Variants in ZNF738 observed in about 807,000 individuals in gnomAD.
ZNF738 encodes the protein zinc finger protein 738, also known as protein ZNF738.
In ZNF738, 10 loss-of-function variants were observed where a neutral mutation model predicts 9.2. The observed-to-expected ratio is 1.09, with a 90% CI of 0.67 to 1.85. The LOEUF (loss-of-function observed/expected upper bound fraction) is 1.85, where lower values mean the gene tolerates loss of function less well. Ranked by LOEUF, ZNF738 falls within the 40% of genes most tolerant of loss-of-function variation. ZNF738 has a pLI of 0.00. For synonymous variants in ZNF738, 113 were observed against 94.5 expected (o/e 1.20, Z -1.14); for missense variants, 346 against 283.6 (o/e 1.22, Z -1.58).
chr19:21,375,307 C>T lies in ZNF738; in HGVS notation c.166C>T (p.Gln56Ter), dbSNP rs1319923175. The T allele has an allele frequency of 2.7e-6, 3 of 1,117,806 alleles. No homozygotes were observed. In the South Asian group the frequency reaches 3.7e-5, roughly 14 times the overall value. The allele number at this position is 1,117,806 out of a possible 1,614,324, so 69.2% of individuals were successfully genotyped here. Residue 56 changes from glutamine to a stop codon, truncating the protein, a stop_gained, in exon 3 of 5, where the codon CAG (glutamine) becomes TAG (stop). Coordinates refer to ENST00000683779, the MANE Select transcript of ZNF738 (RefSeq NM_001355237.2). LOFTEE classifies it high-confidence loss of function. Reference sequence around the variant, plus strand: ...GGAGTGGCAATGCCTGGACACTGCTCAGCAAGATTTGTATAGGAAAGTGAT... The same window carrying T: ...GGAGTGGCAATGCCTGGACACTGCTTAGCAAGATTTGTATAGGAAAGTGAT... ...QEEWQCLDTA[Q>*]QDLYRKVMLE...
intron 2 of ZNF738, among the ~76,000 whole-genome samples, chr19:21,374,758 C>T (rs779501667): frequency 2.4e-4 from 36 of 151,604 alleles, no homozygotes; most frequent in Admixed American, 1.5e-3. Flanking sequence ...TCTTTTTGGG[C>T]GAAATACATT....
chr19:21,360,450 TTG>T (rs1472328301), intron 1 of ZNF738: 3 of 152,512 alleles, frequency 2.0e-5, no homozygotes, highest in Non-Finnish European at 1.5e-5. Flanking sequence ...TTGTGTTTTT[TTG>T]TTTGTTTTGT....
At position 21,384,189 on chromosome 19, in the gene ZNF738, T is replaced by TTTAACTGG; in HGVS notation, c.*517_*524dup. Reference sequence around the variant, plus strand: ...CAAATGTGAGGAATGTGGCAAAGCTTTTAACTGGTACTCACGCCTTACTAC... The same window carrying TTTAACTGG: ...CAAATGTGAGGAATGTGGCAAAGCTTTTAACTGGTTAACTGGTACTCACGCCTTACTAC... On this transcript the variant is annotated 3_prime_UTR_variant, in exon 5 of 5. Transcript: ENST00000683779. 1 of 1,417,288 alleles carries TTTAACTGG rather than the reference T, an allele frequency of 7.1e-7. No homozygotes were observed. Among genetic ancestry groups the TTTAACTGG allele is most frequent in the Non-Finnish European group, 9.9e-7 (1 of 1,006,810 alleles). 87.8% of individuals were successfully genotyped at this position (1,417,288 alleles called of 1,614,324 possible).
Position 21,375,957 on chromosome 19 carries a change from AC to A in ZNF738, c.317del (p.Pro106GlnfsTer17). 1 of 765,064 alleles carries A rather than the reference AC, an allele frequency of 1.3e-6. No individual in the cohort carries two copies. The highest frequency in any genetic ancestry group is 2.4e-6 in the Non-Finnish European group (1 of 416,450). 47.4% of individuals were successfully genotyped at this position (765,064 alleles called of 1,614,324 possible). A position where few individuals can be genotyped will look rare whatever the true frequency, so the allele number is the denominator to read the frequency against. On this transcript the variant is annotated frameshift_variant, in exon 4 of 5. Transcript: ENST00000683779. LOFTEE classifies it low-confidence loss of function (END_TRUNC). ...TGAAGAGACACAGTATGGTAGCCACACCCCCAGGTAGGTGAGAGTGAATAAA... is the reference window on the plus strand; with the variant it reads ...TGAAGAGACACAGTATGGTAGCCACACCCCAGGTAGGTGAGAGTGAATAAA... ...NMKRHSMVAT[P>X]PVTYSHFAQD... is the part of the protein sequence containing the mutation.
At chr19:21,366,455 T>C (rs1372772077) in intron 2 of ZNF738, among the ~76,000 whole-genome samples, 2 of 152,138 alleles carry the variant, frequency 1.3e-5, no homozygotes, top group Non-Finnish European at 2.9e-5. Flanking sequence ...CCAATTGGTA[T>C]CCACAGATAA....
rs1416292251 is a variant in ZNF738 at position 21,387,966 on chromosome 19, A to T, written c.*4292A>T. 6.8e-6 allele frequency among the ~76,000 whole-genome samples: 1 copy of T among 147,850 alleles called. No individual in the cohort carries two copies. The highest frequency in any genetic ancestry group is 1.5e-5 in the Non-Finnish European group (1 of 67,866). ...ACTACATCAGAAAACACCAGAGTTT[A>T]TACTGAAGAATATTTTTGAAGATGC... On this transcript the variant is annotated 3_prime_UTR_variant, in exon 5 of 5. Coordinates refer to ENST00000683779, the MANE Select transcript of ZNF738 (RefSeq NM_001355237.2).
Position 21,385,604 on chromosome 19 carries a change from G to A in ZNF738, c.*1930G>A, listed in dbSNP as rs1974057741. Among the ~76,000 whole-genome samples, 1 of 152,154 alleles carries A rather than the reference G, an allele frequency of 6.6e-6. No homozygotes were observed. On this transcript the variant is annotated 3_prime_UTR_variant, in exon 5 of 5. Transcript: ENST00000683779. ...CATACTGGAAGGAAACCCTACAAAT[G>A]TAAAGAATGTGAGAAAGCTTTTAAC...
chr19:21,374,264 C>T (rs887840343), intron 2 of ZNF738, among the ~76,000 whole-genome samples: 3 of 150,942 alleles, frequency 2.0e-5, no homozygotes, highest in Non-Finnish European at 4.4e-5. Context: ...AAAATTATTG[C>T]GAGATACCCG....
chr19:21,383,217 T>G lies in ZNF738; in HGVS notation c.671T>G (p.Ile224Arg), dbSNP rs935443132. Residue 224 changes from isoleucine (I) to arginine (R), a missense_variant, in exon 5 of 5, where the codon ATA becomes AGA. Physicochemically the swap from Ile to Arg is moderately conservative, Grantham distance 97. Transcript: ENST00000683779. ...CTTTTACACCTAGGTCAACATAAAA[T>G]AATTCATATTAGAGAGAATTCTTAC... is the stretch of plus-strand genomic sequence containing the variant. ...CMLLHLGQHK[I>R]IHIRENSYQC... The G allele has an allele frequency of 1.3e-6, 2 of 1,595,860 alleles. No homozygotes were observed. The highest frequency in any genetic ancestry group is 1.7e-6 in the Non-Finnish European group (2 of 1,165,428).
At chr19:21,374,970 CAT>C (rs1452898241) in intron 2 of ZNF738, among the ~76,000 whole-genome samples, 2 of 152,096 alleles carry the variant, frequency 1.3e-5, no homozygotes, top group Non-Finnish European at 2.9e-5. Flanking sequence ...AAAAAATATA[CAT>C]GTTTGTGTTC....
chr19:21,369,902 C>G (rs1973835593), intron 2 of ZNF738, among the ~76,000 whole-genome samples: 1 of 152,112 alleles, frequency 6.6e-6, no homozygotes, highest in South Asian at 2.1e-4. Context: ...CAACCTCCAC[C>G]TCCTGGATTC....
At position 21,382,962 on chromosome 19, in the gene ZNF738, A is replaced by G. The variant is rs1974022628; in HGVS notation, c.416A>G (p.His139Arg). Reference sequence around the variant, plus strand: ...CTGAGAGAATATGGAAATTATGGACATAAAGATTTACAGTTAAGAAAAGGC... The same window carrying G: ...CTGAGAGAATATGGAAATTATGGACGTAAAGATTTACAGTTAAGAAAAGGC... Reference protein sequence around the residue: ...VILREYGNYGHKDLQLRKGCK... With the variant: ...VILREYGNYGRKDLQLRKGCK... Residue 139 changes from histidine (H) to arginine (R), a missense_variant, in exon 5 of 5, where the codon CAT becomes CGT. His to Arg is a conservative substitution (Grantham distance 29). Transcript: ENST00000683779. 16 of 647,362 alleles carry G rather than the reference A, an allele frequency of 2.5e-5. No homozygotes were observed. Among genetic ancestry groups the G allele is most frequent in the Middle Eastern group, 2.6e-4 (1 of 3,812 alleles). The allele number at this position is 647,362 out of a possible 1,614,324, so 40.1% of individuals were successfully genotyped here. A position where few individuals can be genotyped will look rare whatever the true frequency, so the allele number is the denominator to read the frequency against.
At chr19:21,361,278 A>G (rs1355683088) in intron 1 of ZNF738, among the ~76,000 whole-genome samples, 2 of 151,152 alleles carry the variant, frequency 1.3e-5, no homozygotes, top group Non-Finnish European at 2.9e-5. Context: ...CTGGGATTAC[A>G]GGCATGTGCC....
Position 21,385,159 on chromosome 19 carries a change from A to G in ZNF738, c.*1485A>G, listed in dbSNP as rs1055347789. On this transcript the variant is annotated 3_prime_UTR_variant, in exon 5 of 5. Coordinates refer to ENST00000683779, the MANE Select transcript of ZNF738 (RefSeq NM_001355237.2). ...TGGTCAATGGTCCTCTACCCTTACT[A>G]AAGATAAAAGAGTTTGACTGGGTGC... Among the ~76,000 whole-genome samples, 19 of 151,362 alleles carry G rather than the reference A, an allele frequency of 1.3e-4. 1 individual carries two copies. Among genetic ancestry groups the G allele is most frequent in the African/African-American group, 4.4e-4 (18 of 41,078 alleles).
chr19:21,376,822 C>G (rs1004454976), intron 4 of ZNF738, among the ~76,000 whole-genome samples: 6 of 151,736 alleles, frequency 4.0e-5, no homozygotes, highest in African/African-American at 1.5e-4. Context: ...CTACACCCAG[C>G]CTTTTTTTCT....
intron 4 of ZNF738, chr19:21,379,130 A>T: frequency 6.8e-6 from 1 of 147,806 alleles, no homozygotes; most frequent in Non-Finnish European, 1.5e-5. Flanking sequence ...CAGTTTTCTG[A>T]TTTTCTGTAG....
chr19:21,383,263 A>G lies in ZNF738; in HGVS notation c.717A>G (p.Lys239=), dbSNP rs986619613. The G allele has an allele frequency of 1.9e-6, 3 of 1,587,064 alleles. No individual in the cohort carries two copies. In the African/African-American group the frequency reaches 4.0e-5, roughly 21 times the overall value. Residue 239 remains lysine (K), a synonymous_variant, in exon 5 of 5, where the codon AAA becomes AAG. Coordinates refer to ENST00000683779, the MANE Select transcript of ZNF738 (RefSeq NM_001355237.2). ...ENSYQCEECG[K]AFKWFSTLTR... Reference sequence around the variant, plus strand: ...CTTACCAATGTGAAGAATGTGGCAAAGCCTTTAAATGGTTCTCAACCCTTA... The same window carrying G: ...CTTACCAATGTGAAGAATGTGGCAAGGCCTTTAAATGGTTCTCAACCCTTA...
chr19:21,359,450 G>C (rs1973653205), intron 1 of ZNF738, among the ~76,000 whole-genome samples: 1 of 152,242 alleles, frequency 6.6e-6, no homozygotes. Context: ...TGGGAGGGTC[G>C]TCAGGGGAGA....
At chr19:21,360,266 G>A (rs532915372) in intron 1 of ZNF738, among the ~76,000 whole-genome samples, 11 of 101,806 alleles carry the variant, frequency 1.1e-4, no homozygotes, top group Non-Finnish European at 2.0e-4. Flanking sequence ...ACACTCCACA[G>A]GGAACTGATT....
Sources: gnomAD v4.1 joint callset for allele counts (sites outside exome capture counted in the v4.1 genomes callset) on GRCh38, gnomAD v4.1.1 for gene constraint, MANE v1.5 for transcripts, NCBI Gene and HGNC (gene_info 2026-07-23, HGNC 2026-07-21) for gene names.